VPS13A: variants seen among roughly 807,000 people sequenced by gnomAD.
VPS13A encodes the protein intermembrane lipid transfer protein VPS13A.
In VPS13A, 264 loss-of-function variants were observed where a neutral mutation model predicts 390.9. The observed-to-expected ratio is 0.68, with a 90% CI of 0.61 to 0.75. The LOEUF is 0.75. Ranked by LOEUF, VPS13A falls within the 30% of genes least tolerant of loss-of-function variation. The pLI, the probability that VPS13A is intolerant of heterozygous loss-of-function variation, is 0.00. For synonymous variants in VPS13A, 1,231 were observed against 1,227.1 expected, an observed-to-expected ratio of 1.00 and a Z score of -0.07; for missense variants, 3,409 against 3,733.9, an observed-to-expected ratio of 0.91 and a Z score of 2.27.
intron 68 of VPS13A, chr9:77,390,020 C>T (rs1055847513): frequency 1.9e-5 from 18 of 947,808 alleles, no homozygotes; most frequent in Non-Finnish European, 2.3e-5. Flanking sequence ...TGCCGTCAGC[C>T]GACGTGGTCT....
In VPS13A at chr9:77,322,251, C is replaced by T. The variant is rs1327587240; in HGVS notation, c.5830+505C>T. Reference sequence around the variant, plus strand: ...ATGAAGGTTTTTTCCTTTGTCTTTTCTGCTTCCCAAAAGTTTTTCATTTTT... The same window carrying T: ...ATGAAGGTTTTTTCCTTTGTCTTTTTTGCTTCCCAAAAGTTTTTCATTTTT... On this transcript the variant is annotated intron_variant, in intron 44 of 71. Transcript: ENST00000360280. Among the ~76,000 whole-genome samples, 9 of 146,568 alleles carry T rather than the reference C, an allele frequency of 6.1e-5. No individual in the cohort carries two copies. The East Asian group carries it at 1.8e-3, about 29-fold the overall frequency.
At chr9:77,215,224 A>G (rs1822791517) in intron 10 of VPS13A, among the ~76,000 whole-genome samples, 3 of 152,212 alleles carry the variant, frequency 2.0e-5, no homozygotes, top group Non-Finnish European at 4.4e-5. Context: ...TAATTATTGA[A>G]TTTGCATGCC....
chr9:77,337,682 A>G (rs193026341), intron 47 of VPS13A, 145 bp downstream of exon 47: 2 of 766,212 alleles, frequency 2.6e-6, no homozygotes, highest in Non-Finnish European at 4.0e-6. Flanking sequence ...TTCTTTTGCA[A>G]CAAGTATGAG....
intron 3 of VPS13A, among the ~76,000 whole-genome samples, chr9:77,204,873 C>T (rs1176686000): frequency 1.3e-5 from 2 of 152,160 alleles, no homozygotes; most frequent in Non-Finnish European, 2.9e-5. Flanking sequence ...AAGCGATCCA[C>T]CTGCCTTAGC....
At chr9:77,398,173 G>T (rs1490906240) in intron 68 of VPS13A, among the ~76,000 whole-genome samples, 1 of 152,120 alleles carries the variant, frequency 6.6e-6, no homozygotes, top group Non-Finnish European at 1.5e-5. Context: ...CTGTTGACCT[G>T]GAAAAAATTA....
At chr9:77,239,073 T>G (rs1247399792) in intron 19 of VPS13A, among the ~76,000 whole-genome samples, 1 of 152,170 alleles carries the variant, frequency 6.6e-6, no homozygotes, top group African/African-American at 2.4e-5. Flanking sequence ...CTGGATTTTT[T>G]TTTTCCCCTT....
intron 19 of VPS13A, among the ~76,000 whole-genome samples, chr9:77,244,687 T>C (rs899849483): frequency 3.3e-5 from 5 of 151,588 alleles, no homozygotes; most frequent in Admixed American, 2.6e-4. Context: ...ATTTCAGTGC[T>C]AGTTGGCAAA....
chr9:77,188,750 G>C (rs1055011659), intron 1 of VPS13A, among the ~76,000 whole-genome samples: 11 of 152,142 alleles, frequency 7.2e-5, no homozygotes, highest in African/African-American at 2.2e-4. Context: ...CCAGCAGTGT[G>C]TAAGTGTTCC....
chr9:77,321,432 T>G, intron 43 of VPS13A, 59 bp from the exon 44 acceptor site: 1 of 1,600,884 alleles, frequency 6.2e-7, no homozygotes, highest in Admixed American at 1.7e-5. Context: ...CCTTTACTGT[T>G]CTCCTTGTCA....
At position 77,293,516 on chromosome 9, in the gene VPS13A, T is replaced by C. The variant is rs201837141; in HGVS notation, c.3507+8T>C. 3 of 1,393,782 alleles carry C rather than the reference T, an allele frequency of 2.2e-6. No homozygotes were observed. The highest frequency in any genetic ancestry group is 3.0e-5 in the African/African-American group (2 of 67,492). 86.3% of individuals were successfully genotyped at this position (1,393,782 alleles called of 1,614,324 possible). On this transcript the variant is annotated splice_region_variant and intron_variant, in intron 32 of 71. Coordinates refer to ENST00000360280, the MANE Select transcript of VPS13A (RefSeq NM_033305.3). ...TTTCTATATTCTATATTGGTAAGTATTTTATTAAATTATTATTTATTTTAT... is the reference window on the plus strand; with the variant it reads ...TTTCTATATTCTATATTGGTAAGTACTTTATTAAATTATTATTTATTTTAT...
chr9:77,249,648 G>A (rs932642183), intron 20 of VPS13A, among the ~76,000 whole-genome samples: 1 of 152,180 alleles, frequency 6.6e-6, no homozygotes, highest in African/African-American at 2.4e-5. Flanking sequence ...AACTTGCCTG[G>A]AGTTGCATAA....
intron 3 of VPS13A, among the ~76,000 whole-genome samples, chr9:77,203,794 A>T (rs182259462): frequency 6.6e-6 from 1 of 152,148 alleles, no homozygotes; most frequent in Non-Finnish European, 1.5e-5. Context: ...TCACAATCTT[A>T]TTATTTCATT....
At position 77,247,403 on chromosome 9, in the gene VPS13A, CT is replaced by C. The variant is rs2131259874; in HGVS notation, c.2037+9del. 1 of 1,601,422 alleles carries C rather than the reference CT, an allele frequency of 6.2e-7. No homozygotes were observed. Among genetic ancestry groups the C allele is most frequent in the Non-Finnish European group, 8.5e-7 (1 of 1,174,426 alleles). On this transcript the variant is annotated intron_variant, in intron 20 of 71. Transcript: ENST00000360280. ...GACCTTGGTCATCTAAAGGTATATA[CT>C]AATAATATTTGATTTATGATACAGC...
At chr9:77,227,613 C>A in intron 16 of VPS13A, 128 bp downstream of exon 16, 1 of 701,352 alleles carries the variant, frequency 1.4e-6, no homozygotes, top group Non-Finnish European at 2.4e-6. Flanking sequence ...TTAACCTGGC[C>A]TCAAGCAATC....
intron 22 of VPS13A, among the ~76,000 whole-genome samples, chr9:77,254,611 C>T (rs1825338314): frequency 6.6e-6 from 1 of 152,050 alleles, no homozygotes; most frequent in Admixed American, 6.5e-5. Flanking sequence ...TCTGTAGATC[C>T]CTTTGAATAG....
intron 59 of VPS13A, among the ~76,000 whole-genome samples, chr9:77,360,999 G>T (rs996978089): frequency 3.9e-5 from 6 of 152,060 alleles, no homozygotes; most frequent in African/African-American, 1.4e-4. Context: ...AAATTAAAAG[G>T]TGGTATCATC....
At chr9:77,181,145 T>A (rs961178379) in intron 1 of VPS13A, among the ~76,000 whole-genome samples, 22 of 152,224 alleles carry the variant, frequency 1.4e-4, no homozygotes, top group Admixed American at 5.2e-4. Context: ...AGTATTTTTT[T>A]AAAATATTCT....
At chr9:77,370,680 T>C (rs1832701496) in intron 65 of VPS13A, 102 bp downstream of exon 65, 1 of 1,541,316 alleles carries the variant, frequency 6.5e-7, no homozygotes, top group Admixed American at 1.8e-5. Flanking sequence ...CCTTAAATTA[T>C]TATTTGGATA....
chr9:77,316,155 C>G lies in VPS13A; in HGVS notation c.4631-19C>G, dbSNP rs1007291447. On this transcript the variant is annotated intron_variant, in intron 38 of 71. Coordinates refer to ENST00000360280, the MANE Select transcript of VPS13A (RefSeq NM_033305.3). ...CATAATATATAGCAAATATTTTAAT[C>G]TATTTTTATTTGTTTTAGTACCTAC... The G allele has an allele frequency of 7.0e-7, 1 of 1,431,496 alleles. No homozygotes were observed. Among genetic ancestry groups the G allele is most frequent in the Non-Finnish European group, 9.7e-7 (1 of 1,035,522 alleles). The allele number at this position is 1,431,496 out of a possible 1,614,324, so 88.7% of individuals were successfully genotyped here.
Sources: gnomAD v4.1 joint callset for allele counts (sites outside exome capture counted in the v4.1 genomes callset) on GRCh38, gnomAD v4.1.1 for gene constraint, MANE v1.5 for transcripts, NCBI Gene and HGNC (gene_info 2026-07-23, HGNC 2026-07-21) for gene names.